Variants in NMT2 observed in about 807,000 individuals in gnomAD.
The protein encoded by NMT2 is N-myristoyltransferase 2.
Under a neutral mutation model 65.4 loss-of-function variants are expected in NMT2, and 35 were observed. That is an observed-to-expected ratio of 0.54 (90% CI 0.41 to 0.71). The LOEUF (loss-of-function observed/expected upper bound fraction) is 0.71. Ranked by LOEUF, NMT2 falls within the 30% of genes least tolerant of loss-of-function variation. The pLI is 0.00. For missense variants in NMT2, 489 were observed against 611.3 expected, an observed-to-expected ratio of 0.80 and a Z score of 2.11; for synonymous variants, 226 against 231.8, an observed-to-expected ratio of 0.98 and a Z score of 0.23.
intron 1 of NMT2, among the ~76,000 whole-genome samples, chr10:15,151,542 T>C (rs1475574837): frequency 2.6e-5 from 4 of 152,246 alleles, no homozygotes; most frequent in Non-Finnish European, 4.4e-5. Flanking sequence ...AAGGTCGGAA[T>C]ATAGGAAGAA....
intron 8 of NMT2, among the ~76,000 whole-genome samples, chr10:15,122,279 A>G (rs1845951303): frequency 6.6e-6 from 1 of 152,194 alleles, no homozygotes; most frequent in Non-Finnish European, 1.5e-5. Flanking sequence ...AAATTTGCCA[A>G]CTTCCTTCTA....
At chr10:15,168,006 C>G (rs138235369) in intron 1 of NMT2, among the ~76,000 whole-genome samples, 1,710 of 152,338 alleles carry the variant, frequency 0.011, 20 homozygotes, top group Non-Finnish European at 0.021. Flanking sequence ...ACCTCCACGC[C>G]GCTCCACCCA....
chr10:15,168,273 C>G, intron 1 of NMT2: 1 of 423,006 alleles, frequency 2.4e-6, no homozygotes, highest in South Asian at 4.0e-5. Context: ...AGCGTCTCCC[C>G]GCCCGGGCCC....
At chr10:15,156,729 C>T (rs1833012989) in intron 1 of NMT2, among the ~76,000 whole-genome samples, 1 of 151,962 alleles carries the variant, frequency 6.6e-6, no homozygotes, top group Non-Finnish European at 1.5e-5. Context: ...AAACCCCATT[C>T]TACTAAAAAT....
At chr10:15,133,745 C>G (rs947820109) in intron 3 of NMT2, among the ~76,000 whole-genome samples, 1 of 152,078 alleles carries the variant, frequency 6.6e-6, no homozygotes, top group Non-Finnish European at 1.5e-5. Context: ...CAACACAGTG[C>G]CCGGCTAATT....
At chr10:15,151,828 C>A (rs753244376) in intron 1 of NMT2, among the ~76,000 whole-genome samples, 2 of 151,788 alleles carry the variant, frequency 1.3e-5, no homozygotes, top group Non-Finnish European at 2.9e-5. Context: ...AGTTCAAGAC[C>A]AGCCTGGCCA....
intron 1 of NMT2, among the ~76,000 whole-genome samples, chr10:15,152,740 G>T (rs764549886): frequency 6.6e-6 from 1 of 152,188 alleles, no homozygotes; most frequent in Non-Finnish European, 1.5e-5. Context: ...CCCCAGAGGG[G>T]TTAACTGACT....
At chr10:15,139,645 T>C (rs965202612) in intron 2 of NMT2, 11 of 151,598 alleles carry the variant, frequency 7.3e-5, no homozygotes, top group African/African-American at 1.7e-4. Flanking sequence ...GAGAACCAAG[T>C]TGAAAAGCTA....
Position 15,107,691 on chromosome 10 carries a change from A to G in NMT2, c.*1504T>C. 2 of 826,420 alleles carry G rather than the reference A, an allele frequency of 2.4e-6. No individual in the cohort carries two copies. Among genetic ancestry groups the G allele is most frequent in the Non-Finnish European group, 2.9e-6 (2 of 685,278 alleles). The allele number at this position is 826,420 out of a possible 1,614,324, so 51.2% of individuals were successfully genotyped here. ...GCTGGTCTCGAACCCCTGACCTCAA[A>G]TGTTTCGCCCGCCTTGGCCTCCCAA... On this transcript the variant is annotated 3_prime_UTR_variant, in exon 12 of 12. Coordinates refer to ENST00000378165, the MANE Select transcript of NMT2 (RefSeq NM_004808.3).
Position 15,159,426 on chromosome 10 carries a change from ATTG to A in NMT2, c.110+9074_110+9076del, listed in dbSNP as rs555455010. Among the ~76,000 whole-genome samples, 1,079 of 150,578 alleles carry A rather than the reference ATTG, an allele frequency of 7.2e-3. 16 individuals are homozygous for A. Among genetic ancestry groups the A allele is most frequent in the African/African-American group, 0.026 (1,033 of 40,142 alleles). ...TATTTATTTATTTATTTATTTATTTATTGAGACAGAGTCTCACTGTCGCCCAGG... is the reference window on the plus strand; with the variant it reads ...TATTTATTTATTTATTTATTTATTTAAGACAGAGTCTCACTGTCGCCCAGG... On this transcript the variant is annotated intron_variant, in intron 1 of 11. Transcript: ENST00000378165.
At chr10:15,119,316 G>C (rs1384070332) in intron 9 of NMT2, 27 bp downstream of exon 9, 2 of 1,608,328 alleles carry the variant, frequency 1.2e-6, no homozygotes, top group South Asian at 1.1e-5. Flanking sequence ...TCAAGGAGAA[G>C]CTTTATGTTT....
In NMT2 at chr10:15,141,521, C is replaced by T; in HGVS notation, c.147G>A (p.Lys49=). The change falls in exon 2 of 12, where the codon AAG becomes AAA. Residue 49 remains lysine, a synonymous_variant. Coordinates refer to ENST00000378165, the MANE Select transcript of NMT2 (RefSeq NM_004808.3). ...TCTCCTTTTTTCTCTTCTGTTTCTT[C>T]TTTTTCTTTTTGGCTCCCAAATACC... ...PGGYLGAKKK[K]KKQKRKKEKP... 1.9e-6 allele frequency: 3 copies of T among 1,614,070 alleles called. No homozygotes were observed. The highest frequency in any genetic ancestry group is 1.7e-4 in the Middle Eastern group (1 of 6,060).
At chr10:15,118,985 A>G (rs893633576) in intron 9 of NMT2, among the ~76,000 whole-genome samples, 1 of 152,174 alleles carries the variant, frequency 6.6e-6, no homozygotes. Context: ...TTTTCATAAC[A>G]CTAAGAAGTT....
At chr10:15,167,881 AG>A (rs1256455649) in intron 1 of NMT2, among the ~76,000 whole-genome samples, 1 of 152,192 alleles carries the variant, frequency 6.6e-6, no homozygotes, top group African/African-American at 2.4e-5. Flanking sequence ...GAAGAGCTCT[AG>A]GGACAGGCGA....
In NMT2 at chr10:15,137,096, G is replaced by A. The variant is rs12251268; in HGVS notation, c.247-1678C>T. Among the ~76,000 whole-genome samples the A allele has an allele frequency of 5.0e-3, 757 of 152,240 alleles. 5 individuals carry two copies. Among genetic ancestry groups the A allele is most frequent in the African/African-American group, 0.016 (684 of 41,526 alleles). ...CATTGAAAGGTACAATCGACCCTTAGAAGTTTATAAACAGCAACTTTGGAC... is the reference window on the plus strand; with the variant it reads ...CATTGAAAGGTACAATCGACCCTTAAAAGTTTATAAACAGCAACTTTGGAC... On this transcript the variant is annotated intron_variant, in intron 2 of 11. Coordinates refer to ENST00000378165, the MANE Select transcript of NMT2 (RefSeq NM_004808.3).
intron 7 of NMT2, 22 bp from the exon 8 acceptor site, chr10:15,128,480 A>T (rs756989555): frequency 2.1e-6 from 3 of 1,400,008 alleles, no homozygotes; most frequent in Non-Finnish European, 2.0e-6. Flanking sequence ...TAAAGGTTTT[A>T]AAATCAAATT....
At chr10:15,117,192 A>G (rs897114044) in intron 9 of NMT2, among the ~76,000 whole-genome samples, 40 of 152,250 alleles carry the variant, frequency 2.6e-4, no homozygotes, top group Non-Finnish European at 5.0e-4. Flanking sequence ...AAAAATAATT[A>G]TACACCCTGA....
chr10:15,143,503 ACGC>A (rs1366114025), intron 1 of NMT2, among the ~76,000 whole-genome samples: 2 of 152,186 alleles, frequency 1.3e-5, no homozygotes, highest in Non-Finnish European at 2.9e-5. Context: ...ACTGGGAAGG[ACGC>A]TTTGAAGTAG....
At chr10:15,139,237 T>A (rs1846633447) in intron 2 of NMT2, among the ~76,000 whole-genome samples, 1 of 150,974 alleles carries the variant, frequency 6.6e-6, no homozygotes, top group East Asian at 2.0e-4. Context: ...GAATTAATAC[T>A]TAATAAACTC....
Sources: allele counts gnomAD v4.1 joint callset (sites outside exome capture counted in the v4.1 genomes callset), GRCh38; gene constraint gnomAD v4.1.1; transcripts MANE v1.5; gene names NCBI Gene and HGNC (gene_info 2026-07-23, HGNC 2026-07-21).